Variants in PM20D2 observed in about 807,000 individuals in gnomAD.
PM20D2 encodes the protein xaa-Arg dipeptidase.
Under a neutral mutation model 42.9 loss-of-function variants are expected in PM20D2, and 33 were observed. That is an observed-to-expected ratio of 0.77 (90% CI 0.58 to 1.03). PM20D2 has a LOEUF of 1.03. PM20D2 is among the 50% of genes least tolerant of loss of function. The probability of loss-of-function intolerance (pLI) is 0.00; values close to 1 mark genes in which losing one functional copy is unlikely to be tolerated. For synonymous variants in PM20D2, 250 were observed against 228.2 expected (o/e 1.10, Z -0.86); for missense variants, 548 against 557.0 (o/e 0.98, Z 0.16).
chr6:89,144,696 A>G (rs182128550), upstream of PM20D2, among the ~76,000 whole-genome samples: 2 of 152,320 alleles, frequency 1.3e-5, no homozygotes, highest in African/African-American at 4.8e-5. Flanking sequence ...AATGTCACCT[A>G]TTGCTTTTGC....
At chr6:89,139,837 A>G in the PM20D2 span, among the ~76,000 whole-genome samples, 1 of 152,216 alleles carries the variant, frequency 6.6e-6, no homozygotes, top group African/African-American at 2.4e-5. Context: ...AAATGCTTAA[A>G]GCATTTTAAG....
At chr6:89,104,223 C>CTT in the PM20D2 span, among the ~76,000 whole-genome samples, 46 of 123,548 alleles carry the variant, frequency 3.7e-4, 1 homozygote, top group African/African-American at 1.1e-3. Context: ...AACTCATCAC[C>CTT]TTTTTTTTTT....
At chr6:89,117,563 C>T in the PM20D2 span, among the ~76,000 whole-genome samples, 5 of 152,324 alleles carry the variant, frequency 3.3e-5, no homozygotes, top group Middle Eastern at 6.8e-3. Context: ...CGGTGCTGAA[C>T]CGCGGAAAGC....
In PM20D2 at chr6:89,149,397, G is replaced by C; in HGVS notation, c.598G>C (p.Asp200His). Residue 200 changes from aspartate (D) to histidine (H), a missense_variant, in exon 2 of 7, where the codon GAT becomes CAT. Physicochemically the swap from Asp to His is moderately conservative, Grantham distance 81. Around this residue, in one of 3 missense-constraint regions of PM20D2, gnomAD observed 470 missense variants for 464.4 expected, o/e 1.01. Coordinates refer to ENST00000275072, the MANE Select transcript of PM20D2 (RefSeq NM_001010853.3). ...PSQENAAYLP[D>H]MAEHDVTVKY... is the part of the protein sequence containing the mutation. The stretch of plus-strand genomic sequence containing the variant: ...ACAAGAGAATGCTGCTTATCTACCA[G>C]ATATGGCTGAACATGAGTGAGTAAT... 2 of 1,613,966 alleles carry C rather than the reference G, an allele frequency of 1.2e-6. No homozygotes were observed. Among genetic ancestry groups the C allele is most frequent in the Non-Finnish European group, 1.7e-6 (2 of 1,179,930 alleles).
the PM20D2 span, among the ~76,000 whole-genome samples, chr6:89,109,900 G>C: frequency 6.6e-6 from 1 of 152,250 alleles, no homozygotes; most frequent in Non-Finnish European, 1.5e-5. Context: ...GACCATCTTG[G>C]CTAAGAGGGT....
chr6:89,119,757 G>T, the PM20D2 span, among the ~76,000 whole-genome samples: 1 of 152,192 alleles, frequency 6.6e-6, no homozygotes, highest in Admixed American at 6.5e-5. Flanking sequence ...TGGATACATA[G>T]ATCCAGTCTC....
At chr6:89,121,856 C>G in the PM20D2 span, among the ~76,000 whole-genome samples, 1 of 152,046 alleles carries the variant, frequency 6.6e-6, no homozygotes, top group East Asian at 1.9e-4. Context: ...AAGTTTTCAC[C>G]TAAGAGAGAC....
the PM20D2 span, among the ~76,000 whole-genome samples, chr6:89,132,282 C>T: frequency 6.6e-6 from 1 of 151,788 alleles, no homozygotes. Flanking sequence ...GAAGAATGGG[C>T]CGTTCCCTTC....
At chr6:89,103,984 T>A in the PM20D2 span, among the ~76,000 whole-genome samples, 1 of 142,734 alleles carries the variant, frequency 7.0e-6, no homozygotes, top group East Asian at 2.1e-4. Context: ...GGGATTTTAT[T>A]ATATTTCTTT....
At chr6:89,131,726 C>G in the PM20D2 span, among the ~76,000 whole-genome samples, 2 of 152,102 alleles carry the variant, frequency 1.3e-5, no homozygotes, top group Non-Finnish European at 1.5e-5. Context: ...CTTCACACCA[C>G]TGAGGAGTTT....
intron 1 of PM20D2, 41 bp downstream of exon 1, chr6:89,146,650 G>C: frequency 7.4e-7 from 1 of 1,354,592 alleles, no homozygotes; most frequent in Non-Finnish European, 9.5e-7. Context: ...CCGACTGCCC[G>C]GGTCGGGGGC....
the PM20D2 span, among the ~76,000 whole-genome samples, chr6:89,140,320 C>T: frequency 1.3e-5 from 2 of 152,224 alleles, no homozygotes; most frequent in African/African-American, 2.4e-5. Flanking sequence ...TTTATTCCCA[C>T]AGAACACCTT....
At chr6:89,136,626 T>G in the PM20D2 span, among the ~76,000 whole-genome samples, 1 of 150,422 alleles carries the variant, frequency 6.6e-6, no homozygotes, top group Non-Finnish European at 1.5e-5. Context: ...TGCAGTGAGC[T>G]AAGATCGCGC....
At chr6:89,099,029 T>C in the PM20D2 span, 3 of 1,436,758 alleles carry the variant, frequency 2.1e-6, no homozygotes, top group African/African-American at 4.3e-5. Flanking sequence ...ACTTACATAC[T>C]TTACATAACA....
the PM20D2 span, among the ~76,000 whole-genome samples, chr6:89,135,067 T>C: frequency 1.3e-5 from 2 of 150,964 alleles, no homozygotes; most frequent in Non-Finnish European, 2.9e-5. Flanking sequence ...AGCTGGTAGA[T>C]GGGTGCACTG....
chr6:89,148,956 A>G (rs1215185278), intron 1 of PM20D2, among the ~76,000 whole-genome samples: 1 of 152,220 alleles, frequency 6.6e-6, no homozygotes, highest in Non-Finnish European at 1.5e-5. Context: ...ACAAATCCTA[A>G]CAAATTTTGA....
At chr6:89,149,499 C>T in intron 2 of PM20D2, 86 bp downstream of exon 2, 1 of 1,434,672 alleles carries the variant, frequency 7.0e-7, no homozygotes, top group South Asian at 1.3e-5. Flanking sequence ...GAAAACTCCA[C>T]ATTTGTATAT....
intron 4 of PM20D2, among the ~76,000 whole-genome samples, 195 bp from the exon 5 acceptor site, chr6:89,158,130 G>C (rs1771113459): frequency 6.6e-6 from 1 of 152,140 alleles, no homozygotes; most frequent in Non-Finnish European, 1.5e-5. Flanking sequence ...GCATAAAAGA[G>C]AGTCCTAGGA....
chr6:89,146,766 G>T (rs550286187), intron 1 of PM20D2, among the ~76,000 whole-genome samples, 157 bp downstream of exon 1: 2 of 152,332 alleles, frequency 1.3e-5, no homozygotes, highest in South Asian at 4.1e-4. Context: ...TCGCCTCGGC[G>T]CAGGAGCAGA....
Sources: gnomAD v4.1 joint callset for allele counts (sites outside exome capture counted in the v4.1 genomes callset) on GRCh38, gnomAD v4.1.1 for gene constraint, gnomAD v4.1.1 regional missense constraint, MANE v1.5 for transcripts, NCBI Gene and HGNC (gene_info 2026-07-23, HGNC 2026-07-21) for gene names.